The following DGKI variants were observed in gnomAD, a reference collection of about 807,000 sequenced individuals.
The protein encoded by DGKI is diacylglycerol kinase iota, also known as DAG kinase iota.
In DGKI, 55 loss-of-function variants were observed where a neutral mutation model predicts 147.5. That is an observed-to-expected ratio of 0.37 (90% confidence interval 0.30 to 0.47). The LOEUF is 0.47. Ranked by LOEUF, DGKI falls within the 20% of genes least tolerant of loss-of-function variation. DGKI has a pLI of 1.00. For missense variants in DGKI, 1,007 were observed against 1,323.8 expected, an observed-to-expected ratio of 0.76 and a Z score of 3.71; for synonymous variants, 469 against 477.1, an observed-to-expected ratio of 0.98 and a Z score of 0.22.
intron 2 of DGKI, among the ~76,000 whole-genome samples, chr7:137,684,833 C>G (rs76163683): frequency 6.6e-6 from 1 of 152,076 alleles, no homozygotes; most frequent in South Asian, 2.1e-4. Context: ...GACACTCAGA[C>G]CTGATGAAGA....
At chr7:137,666,528 C>A (rs1375537191) in intron 3 of DGKI, among the ~76,000 whole-genome samples, 1 of 152,214 alleles carries the variant, frequency 6.6e-6, no homozygotes, top group African/African-American at 2.4e-5. Flanking sequence ...AATCTTCTTA[C>A]AATTCAGGCA....
intron 15 of DGKI, among the ~76,000 whole-genome samples, chr7:137,581,132 G>T (rs1178779555): frequency 6.6e-6 from 1 of 151,976 alleles, no homozygotes; most frequent in Non-Finnish European, 1.5e-5. Flanking sequence ...GTTCTAAATG[G>T]CATGAGAAAA....
intron 23 of DGKI, among the ~76,000 whole-genome samples, chr7:137,472,812 C>T (rs2128930178): frequency 6.6e-6 from 1 of 152,058 alleles, no homozygotes; most frequent in Non-Finnish European, 1.5e-5. Context: ...ACAGGATTAT[C>T]TTCTCTATGA....
chr7:137,706,549 A>ATTT (rs1440050103), intron 1 of DGKI, among the ~76,000 whole-genome samples: 1 of 144,428 alleles, frequency 6.9e-6, no homozygotes, highest in East Asian at 2.0e-4. Flanking sequence ...CATTTTATTT[A>ATTT]TCTATTTTTT....
At chr7:137,535,929 A>G (rs188532322) in intron 20 of DGKI, among the ~76,000 whole-genome samples, 1 of 152,126 alleles carries the variant, frequency 6.6e-6, no homozygotes, top group Admixed American at 6.6e-5. Flanking sequence ...AAAAGACTTC[A>G]AATTACTTAG....
chr7:137,626,026 G>A (rs1262873703), intron 6 of DGKI, among the ~76,000 whole-genome samples: 1 of 152,302 alleles, frequency 6.6e-6, no homozygotes, highest in South Asian at 2.1e-4. Context: ...GGAGGAATTA[G>A]GCACATCCTG....
At chr7:137,662,349 T>C (rs942494292) in intron 3 of DGKI, among the ~76,000 whole-genome samples, 2 of 150,818 alleles carry the variant, frequency 1.3e-5, no homozygotes, top group Admixed American at 1.3e-4. Context: ...GTTCACGCCA[T>C]TCTCCTGCCT....
chr7:137,548,142 A>G (rs549768752), intron 20 of DGKI, among the ~76,000 whole-genome samples: 1 of 152,334 alleles, frequency 6.6e-6, no homozygotes, highest in Non-Finnish European at 1.5e-5. Flanking sequence ...AGGAACAGAA[A>G]ATAGTCAGAA....
At chr7:137,644,869 T>C (rs955725729) in intron 6 of DGKI, among the ~76,000 whole-genome samples, 3 of 152,172 alleles carry the variant, frequency 2.0e-5, no homozygotes, top group African/African-American at 4.8e-5. Flanking sequence ...ATGGAATCTA[T>C]GGCATTTAAT....
At chr7:137,757,516 AT>A (rs1437337280) in intron 1 of DGKI, among the ~76,000 whole-genome samples, 1 of 152,158 alleles carries the variant, frequency 6.6e-6, no homozygotes, top group African/African-American at 2.4e-5. Flanking sequence ...AGCTAGTCCC[AT>A]ACGGTAAGGA....
At chr7:137,430,646 T>C (rs9886331) in intron 28 of DGKI, among the ~76,000 whole-genome samples, 4,594 of 152,140 alleles carry the variant, frequency 0.03, 99 homozygotes, top group African/African-American at 0.068. Context: ...TAGTCCCTGA[T>C]TGCTAAAGAA....
intron 6 of DGKI, among the ~76,000 whole-genome samples, chr7:137,631,413 C>T (rs751764858): frequency 3.9e-5 from 6 of 152,200 alleles, no homozygotes; most frequent in Non-Finnish European, 7.3e-5. Flanking sequence ...ACTACATCTA[C>T]TCTTCCCAGT....
intron 1 of DGKI, among the ~76,000 whole-genome samples, chr7:137,785,910 A>G (rs548376269): frequency 3.3e-5 from 5 of 152,334 alleles, no homozygotes; most frequent in South Asian, 2.1e-4. Context: ...AGCATTTGAC[A>G]AAATCCAGCA....
intron 8 of DGKI, among the ~76,000 whole-genome samples, chr7:137,610,466 T>C (rs1820326837): frequency 6.6e-6 from 1 of 152,210 alleles, no homozygotes. Flanking sequence ...GAACCTGTCA[T>C]AGGGATCAGT....
At chr7:137,755,620 C>T (rs1393023955) in intron 1 of DGKI, among the ~76,000 whole-genome samples, 1 of 152,172 alleles carries the variant, frequency 6.6e-6, no homozygotes, top group Admixed American at 6.5e-5. Context: ...AACTGCCAAT[C>T]CCCCAAGGGA....
At chr7:137,766,846 C>T (rs1053851648) in intron 1 of DGKI, among the ~76,000 whole-genome samples, 1 of 152,160 alleles carries the variant, frequency 6.6e-6, no homozygotes, top group Non-Finnish European at 1.5e-5. Flanking sequence ...CCAAACTTGG[C>T]TCCCACAACA....
At chr7:137,807,353 T>G (rs1797412780) in intron 1 of DGKI, among the ~76,000 whole-genome samples, 1 of 152,218 alleles carries the variant, frequency 6.6e-6, no homozygotes, top group Admixed American at 6.5e-5. Context: ...CCAAATGGAT[T>G]TTATGTTTTG....
chr7:137,605,490 C>T (rs1185701965), intron 10 of DGKI, among the ~76,000 whole-genome samples: 1 of 151,880 alleles, frequency 6.6e-6, no homozygotes, highest in African/African-American at 2.4e-5. Context: ...GTCATCGCTA[C>T]CTTAAGAGTG....
chr7:137,565,624 A>T (rs897249549), intron 19 of DGKI, among the ~76,000 whole-genome samples: 16 of 152,306 alleles, frequency 1.1e-4, no homozygotes, highest in Admixed American at 8.5e-4. Context: ...AAATCTTTGG[A>T]TTTCATACTG....
Sources: gnomAD v4.1 joint callset for allele counts (sites outside exome capture counted in the v4.1 genomes callset) on GRCh38, gnomAD v4.1.1 for gene constraint, MANE v1.5 for transcripts, NCBI Gene and HGNC (gene_info 2026-07-23, HGNC 2026-07-21) for gene names.